The following ZFYVE28 variants were observed in gnomAD, a reference collection of about 807,000 sequenced individuals.
The protein encoded by ZFYVE28 is zinc finger FYVE-type containing 28, also known as lateral signaling target protein 2 homolog.
In ZFYVE28, 40 loss-of-function variants were observed where a neutral mutation model predicts 82.1. That is an observed-to-expected ratio of 0.49 (90% CI 0.38 to 0.63). ZFYVE28 has a LOEUF of 0.63. Among genes scored for constraint, ZFYVE28 ranks in the 30% least tolerant of loss-of-function variants. The probability of loss-of-function intolerance (pLI) is 0.00; values close to 1 mark genes in which losing one functional copy is unlikely to be tolerated. For synonymous variants in ZFYVE28, 612 were observed against 546.1 expected (o/e 1.12, Z -1.68); for missense variants, 1,321 against 1,242.1 (o/e 1.06, Z -0.96).
chr4:2,344,335 T>G (rs765708038), intron 2 of ZFYVE28, among the ~76,000 whole-genome samples: 26 of 152,006 alleles, frequency 1.7e-4, no homozygotes, highest in Non-Finnish European at 3.7e-4. Context: ...TGACAGGAGC[T>G]CTCCAGGAGG....
At chr4:2,389,207 G>A (rs1729573976) in intron 1 of ZFYVE28, among the ~76,000 whole-genome samples, 3 of 152,098 alleles carry the variant, frequency 2.0e-5, no homozygotes, top group Admixed American at 2.0e-4. Context: ...TGGCCAGTCA[G>A]GCCATCCAGC....
intron 6 of ZFYVE28, among the ~76,000 whole-genome samples, chr4:2,331,948 G>A (rs1477799050): frequency 6.6e-6 from 1 of 152,236 alleles, no homozygotes; most frequent in Non-Finnish European, 1.5e-5. Flanking sequence ...AGCAGGCTCT[G>A]ACCCTCGGGT....
intron 7 of ZFYVE28, among the ~76,000 whole-genome samples, chr4:2,317,923 G>T (rs1413553240): frequency 1.3e-5 from 2 of 152,170 alleles, no homozygotes; most frequent in South Asian, 4.1e-4. Context: ...ATGAGCCACC[G>T]CGCCGGCCTC....
chr4:2,342,048 C>A lies in ZFYVE28; in HGVS notation c.181-433G>T, dbSNP rs59227130. On this transcript the variant is annotated intron_variant, in intron 2 of 12. Coordinates refer to ENST00000290974, the MANE Select transcript of ZFYVE28 (RefSeq NM_020972.3). Reference sequence around the variant, plus strand: ...CCATGGGCTCAGACGGACTCTCAGTCGGCTGGGGACCTGCAAAGCCCTCGT... The same window carrying A: ...CCATGGGCTCAGACGGACTCTCAGTAGGCTGGGGACCTGCAAAGCCCTCGT... 9.0e-3 allele frequency among the ~76,000 whole-genome samples: 1,363 copies of A among 152,282 alleles called. 22 individuals carry two copies. Among genetic ancestry groups the A allele is most frequent in the East Asian group, 0.061 (317 of 5,168 alleles).
chr4:2,305,427 C>G lies in ZFYVE28; in HGVS notation c.913G>C (p.Ala305Pro). 2 of 1,612,822 alleles carry G rather than the reference C, an allele frequency of 1.2e-6. No individual in the cohort carries two copies. Among genetic ancestry groups the G allele is most frequent in the Non-Finnish European group, 8.5e-7 (1 of 1,179,936 alleles). The change falls in exon 8 of 13, where the codon GCC becomes CCC. Residue 305 changes from alanine to proline, a missense_variant. This residue lies in a region of ZFYVE28 where 978 missense variants were observed against 833.7 expected (regional missense o/e 1.17). Coordinates refer to ENST00000290974, the MANE Select transcript of ZFYVE28 (RefSeq NM_020972.3). Reference sequence around the variant, plus strand: ...GGGGCAGAGAGGGCAGGCGCCAGGGCAGCGGGTCCCTGCACGTCTGCGCGG... The same window carrying G: ...GGGGCAGAGAGGGCAGGCGCCAGGGGAGCGGGTCCCTGCACGTCTGCGCGG... The part of the protein sequence containing the change: ...PIRADVQGPA[A>P]LAPALSAPLP...
rs767918923 is a variant in ZFYVE28 at position 2,273,207 on chromosome 4, C to T, written c.2289G>A (p.Lys763=). ...LKTLFEVMAT[K]PETDDKEKLR... is the part of the protein sequence containing the mutation. ...ACTTTTCCTTGTCGTCTGTTTCAGG[C>T]TTGGTGGCCATGACCTCAAACAGTG... The change falls in exon 10 of 13, where the codon AAG becomes AAA. Residue 763 remains lysine, a synonymous_variant. Transcript: ENST00000290974. 1.3e-5 allele frequency: 21 copies of T among 1,613,822 alleles called. No homozygotes were observed. The South Asian group carries it at 1.9e-4, about 14-fold the overall frequency.
intron 8 of ZFYVE28, among the ~76,000 whole-genome samples, chr4:2,301,459 GCTT>G (rs929127125): frequency 2.6e-5 from 4 of 152,136 alleles, no homozygotes; most frequent in Admixed American, 2.0e-4. Context: ...TGCCAGAAAC[GCTT>G]CCCTGGAAGA....
At chr4:2,331,198 G>A (rs1255764976) in intron 6 of ZFYVE28, 2 of 644,606 alleles carry the variant, frequency 3.1e-6, no homozygotes, top group African/African-American at 3.7e-5. Flanking sequence ...TTCTGCACAG[G>A]TCCGGTCTGG....
At chr4:2,288,517 C>T (rs550732672) in intron 8 of ZFYVE28, among the ~76,000 whole-genome samples, 1 of 152,326 alleles carries the variant, frequency 6.6e-6, no homozygotes, top group South Asian at 2.1e-4. Flanking sequence ...GACCTGGGCA[C>T]GTGGCTGCTG....
Position 2,287,085 on chromosome 4 carries a change from G to A in ZFYVE28, c.2052-12869C>T, listed in dbSNP as rs57465615. ...CCACCAGAAGCTGGAAGCGGCAGGA[G>A]GATCATCCCCTAGAACCTTGGGCTG... On this transcript the variant is annotated intron_variant, in intron 8 of 12. Coordinates refer to ENST00000290974, the MANE Select transcript of ZFYVE28 (RefSeq NM_020972.3). The A allele has an allele frequency of 1.7e-3, 259 of 152,400 alleles. 2 individuals carry two copies. The highest frequency in any genetic ancestry group is 0.014 in the East Asian group (74 of 5,180). 9.4% of individuals were successfully genotyped at this position (152,400 alleles called of 1,614,324 possible). A position where few individuals can be genotyped will look rare whatever the true frequency, so the allele number is the denominator to read the frequency against.
intron 8 of ZFYVE28, among the ~76,000 whole-genome samples, chr4:2,301,141 C>G (rs879328039): frequency 6.6e-6 from 1 of 152,128 alleles, no homozygotes; most frequent in Non-Finnish European, 1.5e-5. Flanking sequence ...CGCTATCACC[C>G]CCGTATTGGT....
rs1383270097 is a variant in ZFYVE28, at chr4:2,283,493, G to GCCAT, written c.2052-9281_2052-9278dup. Among the ~76,000 whole-genome samples the GCCAT allele has an allele frequency of 4.0e-5, 4 of 99,602 alleles. 1 individual carries two copies. The highest frequency in any genetic ancestry group is 7.7e-5 in the Non-Finnish European group (4 of 51,698). 65.3% of individuals were successfully genotyped at this position (99,602 alleles called of 152,430 possible). Reference sequence around the variant, plus strand: ...CATCCACCCATCCACTCATTCATTTGCCATCCATCCATCCACCCACCCATC... The same window carrying GCCAT: ...CATCCACCCATCCACTCATTCATTTGCCATCCATCCATCCATCCACCCACCCATC... On this transcript the variant is annotated intron_variant, in intron 8 of 12. Transcript: ENST00000290974.
intron 2 of ZFYVE28, among the ~76,000 whole-genome samples, chr4:2,350,280 T>C (rs758102348): frequency 1.1e-4 from 17 of 151,806 alleles, no homozygotes; most frequent in African/African-American, 2.4e-4. Flanking sequence ...CTGGCTAACA[T>C]GGTGAAACCC....
At position 2,303,194 on chromosome 4, in the gene ZFYVE28, C is replaced by T. The variant is rs113072558; in HGVS notation, c.2051+1095G>A. Among the ~76,000 whole-genome samples the T allele has an allele frequency of 5.9e-3, 900 of 152,208 alleles. 6 individuals are homozygous for T. The highest frequency in any genetic ancestry group is 0.02 in the African/African-American group (835 of 41,520). On this transcript the variant is annotated intron_variant, in intron 8 of 12. Transcript: ENST00000290974. ...CTGAGTGGGCAGCGGAAAGGAAGAA[C>T]GGCCTGACCGTCACGGGACCCTGGT...
Position 2,417,313 on chromosome 4 carries a change from T to G in ZFYVE28, c.39+972A>C, listed in dbSNP as rs1388968428. On this transcript the variant is annotated intron_variant, in intron 1 of 12. Coordinates refer to ENST00000290974, the MANE Select transcript of ZFYVE28 (RefSeq NM_020972.3). This position sits in a 1 kb window ranked among gnomAD's most constrained non-coding sequence, Gnocchi z 4.8. Reference sequence around the variant, plus strand: ...ATGCGCCCTGGACCCTGCGCCGGGATCCTGAACACCGCCGCGCCTTCATCC... The same window carrying G: ...ATGCGCCCTGGACCCTGCGCCGGGAGCCTGAACACCGCCGCGCCTTCATCC... Among the ~76,000 whole-genome samples the G allele has an allele frequency of 6.6e-6, 1 of 151,916 alleles. No homozygotes were observed. Among genetic ancestry groups the G allele is most frequent in the Non-Finnish European group, 1.5e-5 (1 of 67,938 alleles).
At chr4:2,400,497 G>C (rs1275725905) in intron 1 of ZFYVE28, among the ~76,000 whole-genome samples, 1 of 152,194 alleles carries the variant, frequency 6.6e-6, no homozygotes, top group African/African-American at 2.4e-5. Flanking sequence ...GAGGCCCCCA[G>C]ACATCCCGGT....
At position 2,305,073 on chromosome 4, in the gene ZFYVE28, ATGGGCCAGC is replaced by A; in HGVS notation, c.1258_1266del (p.Ala420_Pro422del). The stretch of plus-strand genomic sequence containing the variant: ...GCCCAGGTACTGCCTGCCCACCCAA[ATGGGCCAGC>A]TGGGGACTCGGGCCTGGCCAGGGCT... On this transcript the variant is annotated inframe_deletion, in exon 8 of 13. Coordinates refer to ENST00000290974, the MANE Select transcript of ZFYVE28 (RefSeq NM_020972.3). 1 of 1,610,136 alleles carries A rather than the reference ATGGGCCAGC, an allele frequency of 6.2e-7. No individual in the cohort carries two copies. The highest frequency in any genetic ancestry group is 8.5e-7 in the Non-Finnish European group (1 of 1,178,258).
Position 2,278,333 on chromosome 4 carries a change from G to A in ZFYVE28, c.2052-4117C>T, listed in dbSNP as rs1034968349. On this transcript the variant is annotated intron_variant, in intron 8 of 12. Coordinates refer to ENST00000290974, the MANE Select transcript of ZFYVE28 (RefSeq NM_020972.3). ...CTCCTGAGTAGCTGGGACCACAGGC[G>A]TGCACCACACTGCCCGGCTAATTTT... is the stretch of plus-strand genomic sequence containing the variant. Among the ~76,000 whole-genome samples, 8 of 151,104 alleles carry A rather than the reference G, an allele frequency of 5.3e-5. No individual in the cohort carries two copies. The South Asian group carries it at 6.3e-4, about 12-fold the overall frequency.
At chr4:2,278,424 G>A (rs1271882597) in intron 8 of ZFYVE28, among the ~76,000 whole-genome samples, 1 of 150,638 alleles carries the variant, frequency 6.6e-6, no homozygotes, top group Non-Finnish European at 1.5e-5. Context: ...CTGGACTCAA[G>A]TGATCCACCC....
Sources: allele counts gnomAD v4.1 joint callset (sites outside exome capture counted in the v4.1 genomes callset), GRCh38; gene constraint gnomAD v4.1.1; regional missense constraint gnomAD v4.1.1; non-coding constraint Gnocchi (gnomAD v3.1); transcripts MANE v1.5; gene names NCBI Gene and HGNC (gene_info 2026-07-23, HGNC 2026-07-21).